The following TSPAN11 variants were observed in gnomAD, a reference collection of about 807,000 sequenced individuals.
TSPAN11 encodes tetraspanin-11.
TSPAN11 carries 29 observed loss-of-function variants against 32.9 expected under a neutral mutation model. The observed-to-expected ratio is 0.88, with a 90% confidence interval of 0.66 to 1.20. The LOEUF is 1.20. Ranked by LOEUF, TSPAN11 falls within the 50% of genes most tolerant of loss-of-function variation. The probability of loss-of-function intolerance (pLI) is 0.00; values close to 1 mark genes in which losing one functional copy is unlikely to be tolerated. For missense variants in TSPAN11, 283 were observed against 329.1 expected (o/e 0.86, Z 1.08); for synonymous variants, 140 against 141.3 (o/e 0.99, Z 0.07).
the TSPAN11 span, among the ~76,000 whole-genome samples, chr12:31,002,467 C>T: frequency 6.6e-6 from 1 of 152,126 alleles, no homozygotes; most frequent in African/African-American, 2.4e-5. The surrounding 1 kb of genome is among the most constrained non-coding windows in gnomAD (Gnocchi z 4.8). Context: ...CTGTGACAGC[C>T]AAGGAAACCC....
At chr12:30,974,057 C>G (rs916142778) in intron 3 of TSPAN11, among the ~76,000 whole-genome samples, 2 of 152,232 alleles carry the variant, frequency 1.3e-5, no homozygotes, top group African/African-American at 4.8e-5. Context: ...TATAGGCTTC[C>G]CTGATCCTTC....
At chr12:31,005,596 C>T in the TSPAN11 span, among the ~76,000 whole-genome samples, 2 of 152,228 alleles carry the variant, frequency 1.3e-5, no homozygotes, top group Non-Finnish European at 2.9e-5. Context: ...GTGCCGACAA[C>T]TCCTCCCCGC....
intron 2 of TSPAN11, among the ~76,000 whole-genome samples, chr12:30,955,966 C>T (rs1290747702): frequency 6.6e-6 from 1 of 152,234 alleles, no homozygotes; most frequent in East Asian, 1.9e-4. Context: ...CCCAGTCCAA[C>T]CCAAACCACT....
chr12:31,004,799 C>T, the TSPAN11 span, among the ~76,000 whole-genome samples: 2 of 152,224 alleles, frequency 1.3e-5, no homozygotes, highest in Non-Finnish European at 2.9e-5. Context: ...ACAACTGCTC[C>T]TCAGTGAAAA....
intron 7 of TSPAN11, among the ~76,000 whole-genome samples, chr12:30,991,099 G>C (rs558554123): frequency 7.2e-4 from 110 of 152,312 alleles, no homozygotes; most frequent in African/African-American, 2.6e-3. Context: ...ATCCTCCCAG[G>C]CCTGTGTCTG....
At chr12:30,985,107 G>A (rs1051918326) in intron 7 of TSPAN11, among the ~76,000 whole-genome samples, 4 of 152,094 alleles carry the variant, frequency 2.6e-5, no homozygotes, top group Admixed American at 1.3e-4. Context: ...GGCCTGGAAG[G>A]TCTAGCTGCA....
intron 5 of TSPAN11, 43 bp from the exon 6 acceptor site, chr12:30,982,489 C>T (rs1166852729): frequency 1.3e-6 from 2 of 1,582,794 alleles, no homozygotes; most frequent in South Asian, 2.3e-5. Context: ...GGACCCTACG[C>T]AGGCCTCTCA....
At chr12:30,948,026 G>A (rs572779361) in intron 1 of TSPAN11, among the ~76,000 whole-genome samples, 2 of 152,256 alleles carry the variant, frequency 1.3e-5, no homozygotes, top group East Asian at 3.9e-4. Flanking sequence ...AGGGGTTACA[G>A]GGCCCATGCA....
the TSPAN11 span, chr12:31,012,715 G>C: frequency 1.3e-5 from 2 of 152,298 alleles, no homozygotes; most frequent in African/African-American, 4.8e-5. Flanking sequence ...GATAACCAAG[G>C]CACGGCCAAC....
At chr12:30,928,675 C>A (rs938603160) in intron 1 of TSPAN11, among the ~76,000 whole-genome samples, 2 of 152,194 alleles carry the variant, frequency 1.3e-5, no homozygotes, top group Non-Finnish European at 2.9e-5. Flanking sequence ...TGGGGAAGGT[C>A]ACATCACCTC....
chr12:30,996,605 T>G (rs1352376761), downstream of TSPAN11: 6 of 152,232 alleles, frequency 3.9e-5, no homozygotes, highest in African/African-American at 1.4e-4. Context: ...TAGGACTACC[T>G]TCTGTTGAAT....
At position 30,946,607 on chromosome 12, in the gene TSPAN11, G is replaced by A. The variant is rs528929193; in HGVS notation, c.-11-7374G>A. 2.6e-5 allele frequency among the ~76,000 whole-genome samples: 4 copies of A among 152,332 alleles called. No homozygotes were observed. In the South Asian group the frequency reaches 8.3e-4, roughly 32 times the overall value. ...ACTTGCTGTGGTTCCTGGGCACCGG[G>A]TGCTGCTCTGGGGATCTGGGAAGGT... On this transcript the variant is annotated intron_variant, in intron 1 of 7. Transcript: ENST00000546076.
Position 30,982,697 on chromosome 12 carries a change from A to G in TSPAN11, c.615+7A>G. ...CAACATCTATAAGGTGGAGGTGAGC[A>G]CCCAAGCTCAAGTTGGGGGTGAGGA... On this transcript the variant is annotated splice_region_variant and intron_variant, in intron 6 of 7. Transcript: ENST00000546076. The G allele has an allele frequency of 1.3e-6, 2 of 1,547,490 alleles. No homozygotes were observed. The highest frequency in any genetic ancestry group is 1.8e-6 in the Non-Finnish European group (2 of 1,141,558).
chr12:30,978,578 C>T lies in TSPAN11; in HGVS notation c.294C>T (p.Leu98=), dbSNP rs756781635. The part of the protein sequence containing the change: ...GCLSTYFCLL[L]VIFLVELVAG... ...GCTGCTAGTATTTCTGCCTGTTGCT[C>T]GTCATCTTCCTGGTTGAGCTGGTGG... The change falls in exon 4 of 8, where the codon CTC becomes CTT. Residue 98 remains leucine, a synonymous_variant. Coordinates refer to ENST00000546076, the MANE Select transcript of TSPAN11 (RefSeq NM_001370302.1). 7.4e-6 allele frequency: 12 copies of T among 1,614,222 alleles called. No homozygotes were observed. The highest frequency in any genetic ancestry group is 4.4e-5 in the South Asian group (4 of 91,086).
intron 7 of TSPAN11, among the ~76,000 whole-genome samples, chr12:30,986,094 C>A (rs1334357957): frequency 6.6e-6 from 1 of 152,178 alleles, no homozygotes; most frequent in African/African-American, 2.4e-5. Flanking sequence ...CAGTCTCTTC[C>A]CCAGGGTCAT....
At chr12:30,935,373 GTTTTTT>G (rs35076467) in intron 1 of TSPAN11, among the ~76,000 whole-genome samples, 1 of 120,920 alleles carries the variant, frequency 8.3e-6, no homozygotes, top group South Asian at 2.6e-4. Context: ...TGCTTTGTGG[GTTTTTT>G]TTTTTTTTTT....
rs1939351343 is a variant in TSPAN11 at position 30,993,216 on chromosome 12, A to G, written c.*1301A>G. 6.6e-6 allele frequency: 1 copy of G among 152,156 alleles called. No homozygotes were observed. The highest frequency in any genetic ancestry group is 6.5e-5 in the Admixed American group (1 of 15,276). 9.4% of individuals were successfully genotyped at this position (152,156 alleles called of 1,614,324 possible). A position where few individuals can be genotyped will look rare whatever the true frequency, so the allele number is the denominator to read the frequency against. On this transcript the variant is annotated 3_prime_UTR_variant, in exon 8 of 8. Transcript: ENST00000546076. ...CTCCTGCACTTCTCCCCAGAGCGGG[A>G]CCCTCTTACTTCCCCCCATGAAGGG...
chr12:30,963,382 G>C (rs961341767), intron 2 of TSPAN11, among the ~76,000 whole-genome samples: 2 of 152,232 alleles, frequency 1.3e-5, no homozygotes, highest in African/African-American at 4.8e-5. Context: ...TTAAACAAGG[G>C]GCGGTGCTCG....
the TSPAN11 span, among the ~76,000 whole-genome samples, chr12:31,012,977 T>C: frequency 6.6e-6 from 1 of 152,248 alleles, no homozygotes; most frequent in South Asian, 2.1e-4. Flanking sequence ...TTTACTGTAC[T>C]ATCCACGTGA....
Sources: gnomAD v4.1 joint callset for allele counts (sites outside exome capture counted in the v4.1 genomes callset) on GRCh38, gnomAD v4.1.1 for gene constraint, Gnocchi (gnomAD v3.1) non-coding constraint, MANE v1.5 for transcripts, NCBI Gene and HGNC (gene_info 2026-07-23, HGNC 2026-07-21) for gene names.